Variants in PCLO observed in about 807,000 individuals in gnomAD.
The protein encoded by PCLO is protein piccolo.
In PCLO, 82 loss-of-function variants were observed where a neutral mutation model predicts 427.5. That is an observed-to-expected ratio of 0.19 (90% CI 0.16 to 0.23). The LOEUF (loss-of-function observed/expected upper bound fraction) is 0.23. PCLO is among the 10% of genes least tolerant of loss of function. The pLI is 1.00. For missense variants in PCLO, 6,239 were observed against 6,115.9 expected (o/e 1.02, Z -0.67); for synonymous variants, 2,357 against 2,155.4 (o/e 1.09, Z -2.59).
intron 13 of PCLO, among the ~76,000 whole-genome samples, 154 bp downstream of exon 13, chr7:82,845,117 C>T (rs765374491): frequency 6.6e-6 from 1 of 151,946 alleles, no homozygotes; most frequent in Non-Finnish European, 1.5e-5. Flanking sequence ...GTTTTGTACT[C>T]AGAAGAGAAA....
chr7:82,836,942 A>G (rs537746281), intron 15 of PCLO, among the ~76,000 whole-genome samples: 2 of 152,256 alleles, frequency 1.3e-5, no homozygotes, highest in East Asian at 3.9e-4. Flanking sequence ...CCTAGAAAAC[A>G]GTCTATTTTG....
At chr7:83,040,608 AGC>A (rs1788949841) in intron 3 of PCLO, among the ~76,000 whole-genome samples, 1 of 152,150 alleles carries the variant, frequency 6.6e-6, no homozygotes, top group Admixed American at 6.5e-5. Context: ...CCGGCAGACT[AGC>A]TGACCTACAT....
rs2116431026 is a variant in PCLO, at chr7:82,952,073, A to C, written c.8880T>G (p.Thr2960=). 1 of 1,613,970 alleles carries C rather than the reference A, an allele frequency of 6.2e-7. No homozygotes were observed. Among genetic ancestry groups the C allele is most frequent in the Non-Finnish European group, 8.5e-7 (1 of 1,179,856 alleles). Residue 2960 remains threonine, a synonymous_variant, in exon 5 of 25, where the codon ACT becomes ACG. Coordinates refer to ENST00000333891, the MANE Select transcript of PCLO (RefSeq NM_033026.6). ...GRSCTAQQPA[T]TLPEDRFGYR... is the part of the protein sequence containing the mutation. ...AACCAAAACGATCCTCAGGAAGAGTAGTTGCAGGCTGCTGTGCTGTGCAGC... is the reference window on the plus strand; with the variant it reads ...AACCAAAACGATCCTCAGGAAGAGTCGTTGCAGGCTGCTGTGCTGTGCAGC...
intron 10 of PCLO, among the ~76,000 whole-genome samples, chr7:82,849,498 C>G (rs921241639): frequency 6.6e-6 from 1 of 152,098 alleles, no homozygotes; most frequent in Non-Finnish European, 1.5e-5. Context: ...GGAAGATGAC[C>G]ACTGAACACA....
chr7:82,920,583 C>T (rs1794572812), intron 6 of PCLO, among the ~76,000 whole-genome samples: 1 of 151,756 alleles, frequency 6.6e-6, no homozygotes, highest in Non-Finnish European at 1.5e-5. Flanking sequence ...GGTAATCAAG[C>T]TAACAAACAA....
chr7:82,928,666 C>T (rs551270450), intron 6 of PCLO, among the ~76,000 whole-genome samples: 28 of 152,228 alleles, frequency 1.8e-4, no homozygotes, highest in African/African-American at 6.3e-4. Context: ...TGAGCCACCG[C>T]GCCTGGCCTG....
intron 16 of PCLO, among the ~76,000 whole-genome samples, chr7:82,835,196 G>A (rs903202437): frequency 6.6e-6 from 1 of 151,900 alleles, no homozygotes; most frequent in South Asian, 2.1e-4. Context: ...TGCCCACCTC[G>A]GCCTCCCAAA....
chr7:83,134,986 G>A lies in PCLO; in HGVS notation c.2564C>T (p.Pro855Leu). 2 of 1,613,214 alleles carry A rather than the reference G, an allele frequency of 1.2e-6. No individual in the cohort carries two copies. Among genetic ancestry groups the A allele is most frequent in the Non-Finnish European group, 1.7e-6 (2 of 1,179,718 alleles). ...QVDPVQKKEE[P>L]KKAQTKMSPK... ...ACTCATTTTGGTTTGTGCTTTCTTG[G>A]GTTCTTCCTTCTTTTGTACGGGGTC... The change falls in exon 3 of 25, where the codon CCC (proline) becomes CTC (leucine). Residue 855 changes from proline (P) to leucine (L), a missense_variant. Pro to Leu is a moderately conservative substitution (Grantham distance 98, BLOSUM62 -3). Transcript: ENST00000333891.
Position 82,822,485 on chromosome 7 carries a change from C to A in PCLO, c.14791+10G>T, listed in dbSNP as rs567145523. ...GCTGCCATGCTGAGGAATTTATTTGCGTCTTTTACTTGGTTGAATGCGGAG... is the reference window on the plus strand; with the variant it reads ...GCTGCCATGCTGAGGAATTTATTTGAGTCTTTTACTTGGTTGAATGCGGAG... On this transcript the variant is annotated intron_variant, in intron 20 of 24. Coordinates refer to ENST00000333891, the MANE Select transcript of PCLO (RefSeq NM_033026.6). 1.2e-6 allele frequency: 2 copies of A among 1,613,608 alleles called. No individual in the cohort carries two copies. The highest frequency in any genetic ancestry group is 2.7e-5 in the African/African-American group (2 of 74,888).
chr7:82,955,543 T>C lies in PCLO; in HGVS notation c.5410A>G (p.Ser1804Gly). The C allele has an allele frequency of 6.2e-7, 1 of 1,614,004 alleles. No homozygotes were observed. Among genetic ancestry groups the C allele is most frequent in the South Asian group, 1.1e-5 (1 of 91,082 alleles). The stretch of plus-strand genomic sequence containing the variant: ...TCTTTGTCTTTCTTTGATTTTTTAC[T>C]AGAACTCTTTCTTTGTTGCTGTTCT... ...EIEQQQRKSS[S>G]KKSKKDKDEL... Residue 1804 changes from serine to glycine, a missense_variant, in exon 5 of 25, where the codon AGT becomes GGT. By Grantham distance (56) the Ser-to-Gly change is moderately conservative. Transcript: ENST00000333891.
intron 10 of PCLO, among the ~76,000 whole-genome samples, chr7:82,871,007 G>A (rs1285313694): frequency 6.6e-6 from 1 of 151,972 alleles, no homozygotes; most frequent in East Asian, 1.9e-4. Context: ...TACACTGTTT[G>A]TGGCCATGTA....
At chr7:83,060,451 C>A (rs1299385583) in intron 3 of PCLO, among the ~76,000 whole-genome samples, 1 of 152,166 alleles carries the variant, frequency 6.6e-6, no homozygotes, top group Non-Finnish European at 1.5e-5. Flanking sequence ...AGACCTGCCC[C>A]AGACTGCTGC....
intron 3 of PCLO, among the ~76,000 whole-genome samples, chr7:83,128,711 T>C (rs1008556486): frequency 6.6e-6 from 1 of 152,122 alleles, no homozygotes; most frequent in Non-Finnish European, 1.5e-5. Context: ...TTTGCATGCA[T>C]TGGAAAGAAT....
At chr7:82,986,508 T>G (rs533299169) in intron 3 of PCLO, among the ~76,000 whole-genome samples, 2 of 152,098 alleles carry the variant, frequency 1.3e-5, no homozygotes, top group South Asian at 4.1e-4. Context: ...CTCTTTTATA[T>G]TTAAATTATT....
At chr7:82,868,289 C>T in intron 10 of PCLO, 1 of 449,264 alleles carries the variant, frequency 2.2e-6, no homozygotes, top group South Asian at 1.6e-5. Context: ...GTCCTCTGTC[C>T]TCTAGTAATG....
chr7:83,054,015 A>G (rs1789317034), intron 3 of PCLO, among the ~76,000 whole-genome samples: 1 of 152,004 alleles, frequency 6.6e-6, no homozygotes, highest in East Asian at 1.9e-4. Flanking sequence ...ACTTGCAGCC[A>G]TTGCTTGTAC....
chr7:82,801,719 A>T, intron 21 of PCLO, 128 bp from the exon 22 acceptor site: 1 of 608,010 alleles, frequency 1.6e-6, no homozygotes, highest in Non-Finnish European at 2.9e-6. Context: ...GCACAACCGA[A>T]TATTTTTGGA....
At chr7:82,922,132 C>T (rs1794609659) in intron 6 of PCLO, among the ~76,000 whole-genome samples, 1 of 151,818 alleles carries the variant, frequency 6.6e-6, no homozygotes, top group Non-Finnish European at 1.5e-5. Flanking sequence ...TTAAACACTC[C>T]TGGTGGAAGT....
At chr7:83,159,300 C>A (rs1316991475) in intron 1 of PCLO, among the ~76,000 whole-genome samples, 1 of 151,892 alleles carries the variant, frequency 6.6e-6, no homozygotes, top group Non-Finnish European at 1.5e-5. Context: ...AGGAAGAAGC[C>A]CAGTAGGGAA....
Sources: allele counts gnomAD v4.1 joint callset (sites outside exome capture counted in the v4.1 genomes callset), GRCh38; gene constraint gnomAD v4.1.1; transcripts MANE v1.5; gene names NCBI Gene and HGNC (gene_info 2026-07-23, HGNC 2026-07-21).